The following CDH23 variants were observed in gnomAD, a reference collection of about 807,000 sequenced individuals.
CDH23 encodes cadherin-23.
Under a neutral mutation model 317.1 loss-of-function variants are expected in CDH23, and 189 were observed. That is an observed-to-expected ratio of 0.60 (90% CI 0.53 to 0.67). The LOEUF is 0.67. Ranked by LOEUF, CDH23 falls within the 30% of genes least tolerant of loss-of-function variation. The pLI is 0.00. For synonymous variants in CDH23, 1,839 were observed against 1,876.8 expected (o/e 0.98, Z 0.52); for missense variants, 4,401 against 4,592.4 (o/e 0.96, Z 1.20).
intron 3 of CDH23, among the ~76,000 whole-genome samples, chr10:71,477,322 C>T (rs574455454): frequency 1.3e-5 from 2 of 152,362 alleles, no homozygotes; most frequent in East Asian, 1.9e-4. Flanking sequence ...GCACCTGCCA[C>T]CATGCCCGGC....
At chr10:71,428,248 A>G (rs1346438598) in intron 1 of CDH23, among the ~76,000 whole-genome samples, 3 of 139,860 alleles carry the variant, frequency 2.1e-5, no homozygotes, top group Admixed American at 1.4e-4. Context: ...AGCAATTCTC[A>G]TGCCTCAGCC....
chr10:71,795,815 T>C, intron 48 of CDH23: 1 of 987,446 alleles, frequency 1.0e-6, no homozygotes, highest in Non-Finnish European at 1.2e-6. Flanking sequence ...TCTTCTCTCT[T>C]CCTCATGGCT....
chr10:71,794,008 G>A (rs1841338030), intron 48 of CDH23, among the ~76,000 whole-genome samples: 1 of 151,904 alleles, frequency 6.6e-6, no homozygotes, highest in South Asian at 2.1e-4. Context: ...TTTTGTTTTG[G>A]CTTTTTTTTT....
chr10:71,591,711 T>C (rs890399952), intron 9 of CDH23, among the ~76,000 whole-genome samples: 68 of 152,232 alleles, frequency 4.5e-4, no homozygotes, highest in African/African-American at 1.5e-3. Context: ...GCAATGCTGA[T>C]GTAGGAGTCA....
intron 30 of CDH23, among the ~76,000 whole-genome samples, chr10:71,727,516 G>A (rs1866870153): frequency 6.6e-6 from 1 of 152,226 alleles, no homozygotes; most frequent in East Asian, 1.9e-4. Flanking sequence ...CATTTTCCCA[G>A]CAGCAGGGGA....
At chr10:71,444,334 T>A (rs1284751254) in intron 2 of CDH23, among the ~76,000 whole-genome samples, 1 of 152,176 alleles carries the variant, frequency 6.6e-6, no homozygotes, top group East Asian at 1.9e-4. Flanking sequence ...AACTGAGACA[T>A]GGGATGATCA....
At chr10:71,727,576 C>T (rs966776188) in intron 30 of CDH23, among the ~76,000 whole-genome samples, 3 of 152,200 alleles carry the variant, frequency 2.0e-5, no homozygotes, top group African/African-American at 7.2e-5. Context: ...GCCTCAGAGA[C>T]CGGGGACAGC....
rs762051231 is a variant in CDH23 at position 71,806,005 on chromosome 10, C to CG, written c.8064+12dup. ...TCGCAGGCGGTGTACAGCGTAAGGG[C>CG]GGGGCCCGGTGCGAGGGGCGGGGTC... On this transcript the variant is annotated intron_variant, in intron 56 of 69. Transcript: ENST00000224721. 1.8e-6 allele frequency: 1 copy of CG among 553,864 alleles called. No individual in the cohort carries two copies. Among genetic ancestry groups the CG allele is most frequent in the Non-Finnish European group, 3.2e-6 (1 of 309,608 alleles). 34.3% of individuals were successfully genotyped at this position (553,864 alleles called of 1,614,324 possible).
intron 44 of CDH23, among the ~76,000 whole-genome samples, chr10:71,788,209 A>C (rs1332691581): frequency 2.6e-5 from 4 of 152,078 alleles, no homozygotes; most frequent in Non-Finnish European, 5.9e-5. Flanking sequence ...CATCATGCCC[A>C]GCTAATTTTT....
chr10:71,557,679 T>C (rs2132332495), intron 6 of CDH23, among the ~76,000 whole-genome samples: 1 of 152,374 alleles, frequency 6.6e-6, no homozygotes, highest in African/African-American at 2.4e-5. Context: ...AATTCTGGAA[T>C]GGAAATAGTG....
At chr10:71,513,179 G>C (rs1164187920) in intron 6 of CDH23, among the ~76,000 whole-genome samples, 1 of 152,196 alleles carries the variant, frequency 6.6e-6, no homozygotes, top group Non-Finnish European at 1.5e-5. Context: ...AAACATCCCT[G>C]GTTGCTTTAG....
chr10:71,408,036 C>T (rs1041287558), intron 1 of CDH23, among the ~76,000 whole-genome samples: 1 of 152,164 alleles, frequency 6.6e-6, no homozygotes, highest in African/African-American at 2.4e-5. Flanking sequence ...TTAATTTTTA[C>T]TAAGTATTAA....
rs78837747 is a variant in CDH23 at position 71,544,223 on chromosome 10, A to G, written c.430-22519A>G. 6.8e-4 allele frequency among the ~76,000 whole-genome samples: 103 copies of G among 152,296 alleles called. No homozygotes were observed. The East Asian group carries it at 0.017, about 25-fold the overall frequency. ...GCTGCCACAGATGCAGGAGAGGTGG[A>G]CGGGAGTAGCGGAAAAAAGGGAGAT... On this transcript the variant is annotated intron_variant, in intron 6 of 69. Coordinates refer to ENST00000224721, the MANE Select transcript of CDH23 (RefSeq NM_022124.6).
At chr10:71,557,095 A>G (rs1856911268) in intron 6 of CDH23, among the ~76,000 whole-genome samples, 1 of 152,192 alleles carries the variant, frequency 6.6e-6, no homozygotes, top group African/African-American at 2.4e-5. Context: ...TTCACTATCC[A>G]TCCTCCAAAC....
At chr10:71,802,135 C>G (rs1841573942) in intron 53 of CDH23, among the ~76,000 whole-genome samples, 1 of 152,144 alleles carries the variant, frequency 6.6e-6, no homozygotes, top group African/African-American at 2.4e-5. Flanking sequence ...TGGTGAAAAC[C>G]CATCTCTACT....
intron 6 of CDH23, among the ~76,000 whole-genome samples, chr10:71,537,700 C>T (rs1855776625): frequency 6.6e-6 from 1 of 152,236 alleles, no homozygotes; most frequent in Non-Finnish European, 1.5e-5. Flanking sequence ...GGCATCTCAG[C>T]CATTTATCTG....
intron 41 of CDH23, among the ~76,000 whole-genome samples, chr10:71,780,115 A>G (rs1159469433): frequency 1.3e-5 from 2 of 152,204 alleles, no homozygotes; most frequent in East Asian, 3.8e-4. Flanking sequence ...ACCTGGGCCC[A>G]TTTTGAAAAG....
At chr10:71,515,675 G>C (rs79235479) in intron 6 of CDH23, among the ~76,000 whole-genome samples, 10,570 of 152,120 alleles carry the variant, frequency 0.069, 1,206 homozygotes, top group African/African-American at 0.23. Flanking sequence ...TAACCTCTCT[G>C]GATTTCAGCT....
intron 6 of CDH23, among the ~76,000 whole-genome samples, chr10:71,524,402 G>C (rs1854899911): frequency 6.6e-6 from 1 of 152,208 alleles, no homozygotes; most frequent in Admixed American, 6.5e-5. Context: ...GCTGAAGGTA[G>C]CTCAGAAGTG....
Sources: gnomAD v4.1 joint callset for allele counts (sites outside exome capture counted in the v4.1 genomes callset) on GRCh38, gnomAD v4.1.1 for gene constraint, MANE v1.5 for transcripts, NCBI Gene and HGNC (gene_info 2026-07-23, HGNC 2026-07-21) for gene names.